Variants in WDR70 observed in about 807,000 individuals in gnomAD.
WDR70 encodes WD repeat-containing protein 70.
In WDR70, 53 loss-of-function variants were observed where a neutral mutation model predicts 88.6. That is an observed-to-expected ratio of 0.60 (90% CI 0.48 to 0.75). WDR70 has a LOEUF of 0.75. WDR70 is among the 30% of genes least tolerant of loss of function. The pLI, the probability that WDR70 is intolerant of heterozygous loss-of-function variation, is 0.00. For synonymous variants in WDR70, 280 were observed against 270.0 expected (o/e 1.04, Z -0.36); for missense variants, 610 against 823.2 (o/e 0.74, Z 3.17).
intron 10 of WDR70, among the ~76,000 whole-genome samples, chr5:37,651,297 CT>C (rs1208767012): frequency 2.0e-5 from 3 of 152,104 alleles, no homozygotes; most frequent in African/African-American, 7.2e-5. Flanking sequence ...TGAACTCATC[CT>C]TTTTTATGGC....
intron 17 of WDR70, among the ~76,000 whole-genome samples, chr5:37,745,213 G>T (rs770317373): frequency 1.3e-5 from 2 of 152,042 alleles, no homozygotes; most frequent in African/African-American, 2.4e-5. Context: ...ATCCTTTCCA[G>T]ACAAGCAAAT....
chr5:37,521,738 A>ACACACACC (rs1554146366), intron 9 of WDR70, among the ~76,000 whole-genome samples: 2 of 136,218 alleles, frequency 1.5e-5, no homozygotes. Context: ...ACACACACAC[A>ACACACACC]CACCCACATG....
At chr5:37,486,337 T>G (rs1739867412) in intron 8 of WDR70, among the ~76,000 whole-genome samples, 1 of 132,410 alleles carries the variant, frequency 7.6e-6, no homozygotes, top group South Asian at 2.7e-4. Flanking sequence ...TAAACAAAAT[T>G]CAAATATAAT....
At chr5:37,585,054 G>A (rs1012658343) in intron 9 of WDR70, among the ~76,000 whole-genome samples, 7 of 149,276 alleles carry the variant, frequency 4.7e-5, no homozygotes, top group South Asian at 2.2e-4. Context: ...GCCATGGCAC[G>A]ATATCGGCTC....
chr5:37,599,909 A>AC (rs1743816217), intron 9 of WDR70, among the ~76,000 whole-genome samples: 1 of 152,056 alleles, frequency 6.6e-6, no homozygotes, highest in East Asian at 1.9e-4. Context: ...GAAAAAAAAA[A>AC]AAGGTGTATT....
At chr5:37,467,534 ATTTTTT>A (rs35972019) in intron 7 of WDR70, among the ~76,000 whole-genome samples, 5 of 124,524 alleles carry the variant, frequency 4.0e-5, no homozygotes, top group Admixed American at 8.2e-5. Flanking sequence ...TATCATATGA[ATTTTTT>A]TTTTTTTTTT....
At chr5:37,598,776 A>ATCTGG (rs935280193) in intron 9 of WDR70, among the ~76,000 whole-genome samples, 2 of 152,228 alleles carry the variant, frequency 1.3e-5, no homozygotes, top group Non-Finnish European at 2.9e-5. Context: ...TTGGAGTGAG[A>ATCTGG]TCTGGTCTTG....
chr5:37,626,976 G>A (rs1450210064), intron 10 of WDR70, among the ~76,000 whole-genome samples: 2 of 151,666 alleles, frequency 1.3e-5, no homozygotes, highest in Admixed American at 6.6e-5. Flanking sequence ...ATCCTCTTCC[G>A]TTTATGATTT....
intron 17 of WDR70, among the ~76,000 whole-genome samples, chr5:37,748,027 T>C (rs1275663033): frequency 2.0e-5 from 3 of 152,190 alleles, no homozygotes; most frequent in Admixed American, 6.5e-5. Flanking sequence ...TCCTCATGAA[T>C]AGGAAGAATC....
At chr5:37,556,478 C>T (rs1201711900) in intron 9 of WDR70, among the ~76,000 whole-genome samples, 1 of 152,196 alleles carries the variant, frequency 6.6e-6, no homozygotes, top group East Asian at 1.9e-4. Context: ...CTATAATAAA[C>T]ATATGTTATC....
chr5:37,422,037 C>T (rs922163641), intron 5 of WDR70, among the ~76,000 whole-genome samples: 4 of 151,972 alleles, frequency 2.6e-5, no homozygotes, highest in African/African-American at 7.3e-5. Context: ...CCCTGGCAAG[C>T]TCAGCTTCTC....
rs1750523305 is a variant in WDR70, at chr5:37,437,922, A to G, written c.493A>G (p.Asn165Asp). Residue 165 changes from asparagine to aspartate, a missense_variant and splice_region_variant, in exon 6 of 18, where the codon AAT (asparagine) becomes GAT (aspartate). Asn to Asp is a conservative substitution (Grantham distance 23, BLOSUM62 1). This residue lies in a region of WDR70 where 203 missense variants were observed against 228.1 expected (regional missense o/e 0.89). Coordinates refer to ENST00000265107, the MANE Select transcript of WDR70 (RefSeq NM_018034.4). The stretch of plus-strand genomic sequence containing the variant: ...ATGTCATGGGGTTTTCTTGTTTCAG[A>G]ATCCTGTTCACAAGATTCCTGACTC... ...EEEEEEEEEENPVHKIPDSHE... is the reference protein window; with the variant it reads ...EEEEEEEEEEDPVHKIPDSHE... 1 of 1,605,746 alleles carries G rather than the reference A, an allele frequency of 6.2e-7. No homozygotes were observed. Among genetic ancestry groups the G allele is most frequent in the African/African-American group, 1.3e-5 (1 of 74,590 alleles).
chr5:37,384,639 G>C (rs1349598161), intron 3 of WDR70, among the ~76,000 whole-genome samples: 3 of 113,034 alleles, frequency 2.7e-5, no homozygotes, highest in African/African-American at 1.0e-4. Context: ...CAGCCTGGGC[G>C]ACAGAGTGAG....
chr5:37,474,738 AATGTGTG>A (rs1739426525), intron 7 of WDR70, among the ~76,000 whole-genome samples: 1 of 151,912 alleles, frequency 6.6e-6, no homozygotes, highest in Non-Finnish European at 1.5e-5. Context: ...CCCAGGCCCC[AATGTGTG>A]TTGTTCCCCT....
intron 10 of WDR70, among the ~76,000 whole-genome samples, chr5:37,649,735 T>TC (rs201307310): frequency 0.029 from 1,323 of 45,362 alleles, 9 homozygotes; most frequent in Non-Finnish European, 0.045. Context: ...TATTACTTCT[T>TC]TTTTTTTTTT....
intron 9 of WDR70, among the ~76,000 whole-genome samples, chr5:37,598,514 G>A (rs767008524): frequency 3.3e-5 from 5 of 152,108 alleles, no homozygotes; most frequent in East Asian, 1.9e-4. Flanking sequence ...ATCAAAGCTA[G>A]TAAGTCCAAC....
chr5:37,391,057 T>A (rs538977773), intron 3 of WDR70, among the ~76,000 whole-genome samples: 1 of 152,200 alleles, frequency 6.6e-6, no homozygotes, highest in Non-Finnish European at 1.5e-5. Flanking sequence ...AGAAAGTTAA[T>A]TACCTAAAAT....
Position 37,416,238 on chromosome 5 carries a change from C to CGA in WDR70, c.492+19671_492+19672dup, listed in dbSNP as rs574381342. ...TGGGCACCACTGAGCACTGAGTGAA[C>CGA]GAGACTCCGTCTGCAATCCCGGCAC... On this transcript the variant is annotated intron_variant, in intron 5 of 17. Transcript: ENST00000265107. Among the ~76,000 whole-genome samples the CGA allele has an allele frequency of 1.2e-3, 176 of 152,330 alleles. 2 individuals are homozygous for CGA. Among genetic ancestry groups the CGA allele is most frequent in the East Asian group, 9.5e-3 (49 of 5,172 alleles).
intron 10 of WDR70, among the ~76,000 whole-genome samples, chr5:37,629,312 C>T (rs1276857547): frequency 6.6e-6 from 1 of 152,140 alleles, no homozygotes. Flanking sequence ...GACCTAAATG[C>T]TCATCTCTCT....
Sources: allele counts gnomAD v4.1 joint callset (sites outside exome capture counted in the v4.1 genomes callset), GRCh38; gene constraint gnomAD v4.1.1; regional missense constraint gnomAD v4.1.1; transcripts MANE v1.5; gene names NCBI Gene and HGNC (gene_info 2026-07-23, HGNC 2026-07-21).